Variants in WDR4 observed in about 807,000 individuals in gnomAD.
The protein encoded by WDR4 is tRNA (guanine-N(7)-)-methyltransferase non-catalytic subunit WDR4.
A neutral mutation model predicts 48.6 loss-of-function variants in WDR4; 47 were observed. The observed-to-expected ratio is 0.97, with a 90% CI of 0.77 to 1.23. The LOEUF is 1.23. Ranked by LOEUF, WDR4 falls within the 50% of genes most tolerant of loss-of-function variation. The pLI, the probability that WDR4 is intolerant of heterozygous loss-of-function variation, is 0.00. For synonymous variants in WDR4, 268 were observed against 230.0 expected (o/e 1.17, Z -1.49); for missense variants, 606 against 551.6 (o/e 1.10, Z -0.99).
chr21:42,872,369 G>C (rs542117184), intron 3 of WDR4, among the ~76,000 whole-genome samples: 1 of 152,088 alleles, frequency 6.6e-6, no homozygotes, highest in Admixed American at 6.5e-5. Flanking sequence ...CAGCACTTTG[G>C]GAGGCTGAGG....
intron 3 of WDR4, among the ~76,000 whole-genome samples, chr21:42,872,411 A>C (rs1450133657): frequency 6.6e-6 from 1 of 151,594 alleles, no homozygotes; most frequent in Non-Finnish European, 1.5e-5. Flanking sequence ...GGAGTTGGAG[A>C]CCAGCCTGGC....
chr21:42,887,284 G>A, the WDR4 span, among the ~76,000 whole-genome samples: 4 of 151,024 alleles, frequency 2.6e-5, no homozygotes, highest in Non-Finnish European at 4.4e-5. Flanking sequence ...GGGCCACGGC[G>A]CCTGGCCTAA....
chr21:42,857,947 G>A (rs1347680698), intron 6 of WDR4, among the ~76,000 whole-genome samples: 1 of 152,004 alleles, frequency 6.6e-6, no homozygotes. Flanking sequence ...AAAAATTAGC[G>A]GGGCATGGTG....
intron 7 of WDR4, 47 bp from the exon 8 acceptor site, chr21:42,854,673 C>A (rs569127512): frequency 7.6e-6 from 12 of 1,580,982 alleles, no homozygotes; most frequent in Non-Finnish European, 9.5e-6. Context: ...TGCAGGGGCC[C>A]GACGCCGGGC....
chr21:42,859,598 C>T, intron 6 of WDR4, 64 bp downstream of exon 6: 10 of 305,674 alleles, frequency 3.3e-5, no homozygotes, highest in Admixed American at 7.9e-5. Context: ...CCAGGAGGCG[C>T]CCACCCCACC....
chr21:42,878,147 T>A (rs966153687), intron 1 of WDR4, among the ~76,000 whole-genome samples: 5 of 152,088 alleles, frequency 3.3e-5, no homozygotes, highest in African/African-American at 1.2e-4. Context: ...TAGAAACATA[T>A]CTCACCTACC....
chr21:42,879,594 T>C, upstream of WDR4: 1 of 1,448,468 alleles, frequency 6.9e-7, no homozygotes, highest in Non-Finnish European at 9.5e-7. Flanking sequence ...AGAGATGACG[T>C]ATACCCCACG....
At chr21:42,870,218 G>GT (rs2058340524) in intron 3 of WDR4, among the ~76,000 whole-genome samples, 3 of 152,150 alleles carry the variant, frequency 2.0e-5, no homozygotes, top group South Asian at 4.1e-4. Flanking sequence ...GGGCATGGTG[G>GT]TAAGTGCCTG....
Position 42,849,831 on chromosome 21 carries a change from T to C in WDR4, c.*218A>G. 1.8e-6 allele frequency: 1 copy of C among 547,018 alleles called. No homozygotes were observed. The highest frequency in any genetic ancestry group is 3.1e-6 in the Non-Finnish European group (1 of 318,966). 33.9% of individuals were successfully genotyped at this position (547,018 alleles called of 1,614,324 possible). A position where few individuals can be genotyped will look rare whatever the true frequency, so the allele number is the denominator to read the frequency against. Reference sequence around the variant, plus strand: ...TTCAAGAGCTTCCACTCCACTGGTCTGGCTTCCCTTCAACCAGAAAGGGGG... The same window carrying C: ...TTCAAGAGCTTCCACTCCACTGGTCCGGCTTCCCTTCAACCAGAAAGGGGG... On this transcript the variant is annotated 3_prime_UTR_variant, in exon 11 of 11. Transcript: ENST00000398208.
Position 42,850,259 on chromosome 21 carries a change from A to G in WDR4, c.1046-17T>C, listed in dbSNP as rs902267496. The G allele has an allele frequency of 6.3e-7, 1 of 1,576,416 alleles. No individual in the cohort carries two copies. On this transcript the variant is annotated splice_polypyrimidine_tract_variant and intron_variant, in intron 10 of 10. Coordinates refer to ENST00000398208, the MANE Select transcript of WDR4 (RefSeq NM_018669.6). Reference sequence around the variant, plus strand: ...CGGCAGAGCCTGTGATGGGGGAACAAGGACAGGTGCCAGGTGGGGCAGGAA... The same window carrying G: ...CGGCAGAGCCTGTGATGGGGGAACAGGGACAGGTGCCAGGTGGGGCAGGAA...
chr21:42,863,889 A>G (rs7281451), intron 3 of WDR4, among the ~76,000 whole-genome samples: 78,010 of 128,206 alleles, frequency 0.61, 25,816 homozygotes, highest in African/African-American at 0.85. Flanking sequence ...GGTGGATCAC[A>G]AGGTCAGGAG....
chr21:42,887,949 A>G, the WDR4 span, among the ~76,000 whole-genome samples: 2 of 152,112 alleles, frequency 1.3e-5, no homozygotes, highest in Admixed American at 6.6e-5. Context: ...AAAAACAAAA[A>G]AAGTTTTTAT....
upstream of WDR4, among the ~76,000 whole-genome samples, chr21:42,884,132 C>A (rs960677784): frequency 9.1e-4 from 138 of 152,118 alleles, no homozygotes; most frequent in Admixed American, 9.8e-4. Context: ...AATAATATTC[C>A]ACTGAATGCA....
Position 42,863,451 on chromosome 21 carries a change from G to A in WDR4, c.442C>T (p.Leu148=). ...GRLELGHLSM[L]LDVAVSPDDR... ...CGTCCCCCACCTACCACATCTAACA[G>A]CATAGACAGGTGCCCCAGCTCTAGA... The change falls in exon 4 of 11, where the codon CTG becomes TTG. Residue 148 remains leucine (L), a synonymous_variant. Transcript: ENST00000398208. 1 of 1,611,358 alleles carries A rather than the reference G, an allele frequency of 6.2e-7. No homozygotes were observed. The highest frequency in any genetic ancestry group is 1.1e-5 in the South Asian group (1 of 90,802).
intron 5 of WDR4, 111 bp from the exon 6 acceptor site, chr21:42,859,833 C>T (rs2058076273): frequency 2.7e-6 from 3 of 1,112,234 alleles, no homozygotes; most frequent in South Asian, 1.4e-5. Flanking sequence ...TGCCCTAAAC[C>T]CCCTGATCCA....
At chr21:42,867,727 T>C (rs1331587227) in intron 3 of WDR4, among the ~76,000 whole-genome samples, 1 of 151,946 alleles carries the variant, frequency 6.6e-6, no homozygotes, top group Non-Finnish European at 1.5e-5. Context: ...CTTGGACTTG[T>C]GCTTTTTTTT....
chr21:42,868,673 G>C (rs1036565604), intron 3 of WDR4, among the ~76,000 whole-genome samples: 33 of 152,222 alleles, frequency 2.2e-4, no homozygotes, highest in Non-Finnish European at 1.3e-4. Context: ...CTAAGTACGT[G>C]ATTTAGGGCA....
chr21:42,876,056 A>T (rs1327105606), intron 2 of WDR4, among the ~76,000 whole-genome samples: 1 of 150,472 alleles, frequency 6.6e-6, no homozygotes, highest in Non-Finnish European at 1.5e-5. Context: ...AGTAGCTGGG[A>T]CTACAGGCGC....
intron 3 of WDR4, among the ~76,000 whole-genome samples, chr21:42,868,673 G>A (rs1036565604): frequency 6.6e-6 from 1 of 152,222 alleles, no homozygotes; most frequent in Admixed American, 6.5e-5. Flanking sequence ...CTAAGTACGT[G>A]ATTTAGGGCA....
Sources: gnomAD v4.1 joint callset for allele counts (sites outside exome capture counted in the v4.1 genomes callset) on GRCh38, gnomAD v4.1.1 for gene constraint, MANE v1.5 for transcripts, NCBI Gene and HGNC (gene_info 2026-07-23, HGNC 2026-07-21) for gene names.